The following SREK1IP1 variants were observed in gnomAD, a reference collection of about 807,000 sequenced individuals.
SREK1IP1 encodes SREK1 interacting protein 1, also known as protein SREK1IP1.
A neutral mutation model predicts 22.8 loss-of-function variants in SREK1IP1; 12 were observed. The observed-to-expected ratio is 0.53, with a 90% CI of 0.34 to 0.85. The LOEUF is 0.85. SREK1IP1 is among the 40% of genes least tolerant of loss of function. The probability of loss-of-function intolerance (pLI) is 0.02; values close to 1 mark genes in which losing one functional copy is unlikely to be tolerated. For missense variants in SREK1IP1, 147 were observed against 171.8 expected (o/e 0.86, Z 0.81); for synonymous variants, 53 against 52.7 (o/e 1.01, Z -0.02).
At chr5:64,741,290 A>G in intron 2 of SREK1IP1, 90 bp from the exon 3 acceptor site, 3 of 1,196,978 alleles carry the variant, frequency 2.5e-6, no homozygotes, top group Non-Finnish European at 3.5e-6. Context: ...GGTAACCAGT[A>G]AGTTACAATT....
intron 2 of SREK1IP1, among the ~76,000 whole-genome samples, chr5:64,742,932 T>C (rs1742574223): frequency 1.3e-5 from 2 of 152,186 alleles, no homozygotes; most frequent in Non-Finnish European, 2.9e-5. Context: ...TCCTAACAAA[T>C]GAATCATTCA....
At chr5:64,742,207 T>C (rs1398506805) in intron 2 of SREK1IP1, among the ~76,000 whole-genome samples, 1 of 152,180 alleles carries the variant, frequency 6.6e-6, no homozygotes, top group Non-Finnish European at 1.5e-5. Flanking sequence ...ATGAAAATTA[T>C]ATTTATTTGC....
intron 1 of SREK1IP1, among the ~76,000 whole-genome samples, chr5:64,756,577 T>C (rs1439004043): frequency 6.6e-6 from 1 of 152,200 alleles, no homozygotes; most frequent in Admixed American, 6.5e-5. Flanking sequence ...GTGGCTTCAA[T>C]CAACCAATGA....
intron 2 of SREK1IP1, among the ~76,000 whole-genome samples, chr5:64,752,144 GTGTTTTTTTTTTTTTTT>G (rs1742755514): frequency 1.2e-5 from 1 of 85,476 alleles, no homozygotes; most frequent in South Asian, 3.7e-4. Flanking sequence ...TTTTTTTTGT[GTGTTTTTTTTTTTTTTT>G]TTTTTTTTTA....
chr5:64,726,678 A>T (rs755924322), intron 4 of SREK1IP1, among the ~76,000 whole-genome samples: 36 of 152,302 alleles, frequency 2.4e-4, no homozygotes, highest in Non-Finnish European at 7.4e-5. Flanking sequence ...AATACAGCTA[A>T]CCTACTGAAC....
Position 64,722,295 on chromosome 5 carries a change from AT to A in SREK1IP1, c.*2088del, listed in dbSNP as rs1742179401. The A allele has an allele frequency of 1.3e-5, 2 of 152,116 alleles. No homozygotes were observed. The highest frequency in any genetic ancestry group is 4.8e-5 in the African/African-American group (2 of 41,438). 9.4% of individuals were successfully genotyped at this position (152,116 alleles called of 1,614,324 possible). A position where few individuals can be genotyped will look rare whatever the true frequency, so the allele number is the denominator to read the frequency against. On this transcript the variant is annotated 3_prime_UTR_variant, in exon 5 of 5. Coordinates refer to ENST00000513458, the MANE Select transcript of SREK1IP1 (RefSeq NM_173829.4). ...CTGACTTTTGCTCTTCTCAGTCATTATTGTGTCACCATTCAGAAACCTAATG... is the reference window on the plus strand; with the variant it reads ...CTGACTTTTGCTCTTCTCAGTCATTATGTGTCACCATTCAGAAACCTAATG...
intron 2 of SREK1IP1, among the ~76,000 whole-genome samples, chr5:64,751,431 G>T (rs137931736): frequency 6.6e-6 from 1 of 152,208 alleles, no homozygotes; most frequent in Admixed American, 6.5e-5. Flanking sequence ...TTAGAAAGAT[G>T]TAATTAAGTT....
At chr5:64,741,810 AAAAGT>A (rs10559948) in intron 2 of SREK1IP1, among the ~76,000 whole-genome samples, 9,740 of 152,102 alleles carry the variant, frequency 0.064, 1,015 homozygotes, top group African/African-American at 0.22. Context: ...CAAACACTAT[AAAAGT>A]AAAGAAAATA....
intron 2 of SREK1IP1, among the ~76,000 whole-genome samples, chr5:64,752,805 T>C (rs917883226): frequency 7.9e-5 from 12 of 152,186 alleles, no homozygotes; most frequent in Admixed American, 6.5e-4. Flanking sequence ...AGCTAATTTG[T>C]AAATGAAATT....
At position 64,719,093 on chromosome 5, in the gene SREK1IP1, G is replaced by A. The variant is rs1352226931; in HGVS notation, c.*5291C>T. The A allele has an allele frequency of 6.6e-6, 1 of 152,178 alleles. No individual in the cohort carries two copies. The highest frequency in any genetic ancestry group is 1.9e-4 in the East Asian group (1 of 5,206). 9.4% of individuals were successfully genotyped at this position (152,178 alleles called of 1,614,324 possible). ...ATCTTCTAGACCAGAATTAAGAGAA[G>A]TTTCTGTGATGATGGAAATGTTCTT... On this transcript the variant is annotated 3_prime_UTR_variant, in exon 5 of 5. Transcript: ENST00000513458.
rs547326527 is a variant in SREK1IP1, at chr5:64,728,546, T to G, written c.206-367A>C. On this transcript the variant is annotated intron_variant, in intron 3 of 4. Transcript: ENST00000513458. The stretch of plus-strand genomic sequence containing the variant: ...TTGCAACAAAATTAGGATCATGCAA[T>G]ATGTATTATTCTCTAACTTGTTTTT... Among the ~76,000 whole-genome samples, 110 of 152,322 alleles carry G rather than the reference T, an allele frequency of 7.2e-4. 2 individuals are homozygous for G. The highest frequency in any genetic ancestry group is 2.3e-3 in the African/African-American group (94 of 41,570).
At chr5:64,736,608 T>C (rs6871744) in intron 3 of SREK1IP1, among the ~76,000 whole-genome samples, 10,127 of 151,964 alleles carry the variant, frequency 0.067, 1,102 homozygotes, top group African/African-American at 0.23. Flanking sequence ...GTTACAGGCA[T>C]GCGCCACCAT....
chr5:64,766,833 C>T (rs1333241688), intron 1 of SREK1IP1, among the ~76,000 whole-genome samples: 1 of 152,196 alleles, frequency 6.6e-6, no homozygotes, highest in African/African-American at 2.4e-5. Flanking sequence ...ACTCATTTCA[C>T]AGTGCAGTTG....
At chr5:64,732,751 G>A (rs1188250405) in intron 3 of SREK1IP1, among the ~76,000 whole-genome samples, 1 of 152,070 alleles carries the variant, frequency 6.6e-6, no homozygotes, top group African/African-American at 2.4e-5. Context: ...GAACAATTTT[G>A]ATGAAGAATA....
At chr5:64,730,235 G>A (rs1742353686) in intron 3 of SREK1IP1, among the ~76,000 whole-genome samples, 1 of 152,140 alleles carries the variant, frequency 6.6e-6, no homozygotes, top group African/African-American at 2.4e-5. Flanking sequence ...CAAGTAGAAT[G>A]TGGATATAAA....
intron 3 of SREK1IP1, 81 bp from the exon 4 acceptor site, chr5:64,728,260 T>G: frequency 3.4e-6 from 4 of 1,162,062 alleles, no homozygotes; most frequent in Non-Finnish European, 4.4e-6. Flanking sequence ...TATGTTAAAA[T>G]TTTAGCTGTT....
intron 1 of SREK1IP1, among the ~76,000 whole-genome samples, chr5:64,765,424 A>T (rs1187904381): frequency 6.6e-6 from 1 of 152,224 alleles, no homozygotes; most frequent in Non-Finnish European, 1.5e-5. Flanking sequence ...AACTGAATCC[A>T]TTAAACCTAA....
Position 64,724,480 on chromosome 5 carries a change from T to C in SREK1IP1, c.372A>G (p.Lys124=). ...TTTTGTGATGTTTCCCTTTTTTTGA[T>C]TTACTCTTTTTTTCTTTTTTCTTTT... The part of the protein sequence containing the change: ...KKEKKKEKKS[K]SKKGKHHKKE... Residue 124 remains lysine (K), a synonymous_variant, in exon 5 of 5, where the codon AAA becomes AAG. Transcript: ENST00000513458. 2 of 1,592,642 alleles carry C rather than the reference T, an allele frequency of 1.3e-6. No individual in the cohort carries two copies. Among genetic ancestry groups the C allele is most frequent in the Non-Finnish European group, 1.7e-6 (2 of 1,173,964 alleles).
chr5:64,743,770 C>T (rs1217826964), intron 2 of SREK1IP1, among the ~76,000 whole-genome samples: 5 of 151,956 alleles, frequency 3.3e-5, no homozygotes, highest in East Asian at 1.9e-4. Flanking sequence ...GTTTATTGTT[C>T]GTGAGTTTCC....
Sources: allele counts gnomAD v4.1 joint callset (sites outside exome capture counted in the v4.1 genomes callset), GRCh38; gene constraint gnomAD v4.1.1; transcripts MANE v1.5; gene names NCBI Gene and HGNC (gene_info 2026-07-23, HGNC 2026-07-21).